The following RASGEF1C variants were observed in gnomAD, a reference collection of about 807,000 sequenced individuals.
RASGEF1C encodes the protein RasGEF domain family member 1C, also known as ras-GEF domain-containing family member 1C.
A neutral mutation model predicts 58.1 loss-of-function variants in RASGEF1C; 27 were observed. The observed-to-expected ratio is 0.46, with a 90% CI of 0.34 to 0.64. The LOEUF (loss-of-function observed/expected upper bound fraction) is 0.64, where lower values mean the gene tolerates loss of function less well. Ranked by LOEUF, RASGEF1C falls within the 30% of genes least tolerant of loss-of-function variation. The pLI is 0.01. For synonymous variants in RASGEF1C, 243 were observed against 246.3 expected (o/e 0.99, Z 0.13); for missense variants, 502 against 605.1 (o/e 0.83, Z 1.79).
intron 1 of RASGEF1C, among the ~76,000 whole-genome samples, chr5:180,196,991 C>G (rs746817724): frequency 2.0e-5 from 3 of 152,186 alleles, no homozygotes; most frequent in Non-Finnish European, 4.4e-5. Context: ...CTGACTTCAC[C>G]CCAGAATGTG....
At chr5:180,207,787 C>T (rs1460314613) in intron 1 of RASGEF1C, among the ~76,000 whole-genome samples, 2 of 152,142 alleles carry the variant, frequency 1.3e-5, no homozygotes, top group Non-Finnish European at 2.9e-5. Flanking sequence ...AGGGATCTCA[C>T]CCGCGCTGTT....
chr5:180,140,332 C>A (rs1039671492), intron 1 of RASGEF1C, among the ~76,000 whole-genome samples: 1 of 152,186 alleles, frequency 6.6e-6, no homozygotes, highest in Admixed American at 6.5e-5. Flanking sequence ...TGTGCCGCAG[C>A]CTTCAGTTTT....
chr5:180,138,881 C>T (rs1455346184), intron 1 of RASGEF1C, among the ~76,000 whole-genome samples: 5 of 152,196 alleles, frequency 3.3e-5, no homozygotes, highest in African/African-American at 1.2e-4. Context: ...CTCCCCTATC[C>T]CTCCAGGTAT....
chr5:180,126,130 G>A (rs546344217), intron 6 of RASGEF1C, among the ~76,000 whole-genome samples: 4 of 152,276 alleles, frequency 2.6e-5, no homozygotes, highest in African/African-American at 7.2e-5. Context: ...AATCTCGGCC[G>A]GGCGCGGTAG....
At chr5:180,161,628 G>A (rs761565951) in intron 1 of RASGEF1C, among the ~76,000 whole-genome samples, 3 of 152,344 alleles carry the variant, frequency 2.0e-5, no homozygotes, top group Non-Finnish European at 2.9e-5. Flanking sequence ...ACGCCAGGCC[G>A]AGCCCGAGAG....
chr5:180,114,600 A>G, intron 10 of RASGEF1C, 59 bp from the exon 11 acceptor site: 2 of 1,519,782 alleles, frequency 1.3e-6, no homozygotes, highest in Non-Finnish European at 1.8e-6. Context: ...GGGCTCCAGG[A>G]CGGGGGGCAG....
chr5:180,180,929 G>A (rs1163478515), intron 1 of RASGEF1C, among the ~76,000 whole-genome samples: 1 of 152,156 alleles, frequency 6.6e-6, no homozygotes, highest in Non-Finnish European at 1.5e-5. Context: ...AAGAGGGATC[G>A]CCGCATACAG....
At chr5:180,161,870 C>T (rs1766950377) in intron 1 of RASGEF1C, among the ~76,000 whole-genome samples, 1 of 152,226 alleles carries the variant, frequency 6.6e-6, no homozygotes, top group Non-Finnish European at 1.5e-5. Context: ...CCCCTGTCAC[C>T]GACTGAGGTT....
Position 180,101,219 on chromosome 5 carries a change from A to G in RASGEF1C, c.*282T>C. On this transcript the variant is annotated 3_prime_UTR_variant, in exon 14 of 14. Coordinates refer to ENST00000361132, the MANE Select transcript of RASGEF1C (RefSeq NM_175062.4). The stretch of plus-strand genomic sequence containing the variant: ...AGTGTTGTGTCCTTGCCGAGGATGG[A>G]CAGACTGACCAGGCCCCACGGTCCT... 2.0e-6 allele frequency: 1 copy of G among 506,726 alleles called. No individual in the cohort carries two copies. Among genetic ancestry groups the G allele is most frequent in the East Asian group, 3.1e-5 (1 of 32,274 alleles). 31.4% of individuals were successfully genotyped at this position (506,726 alleles called of 1,614,324 possible).
Position 180,136,420 on chromosome 5 carries a change from C to A in RASGEF1C, c.396G>T (p.Gly132=). The A allele has an allele frequency of 6.4e-7, 1 of 1,561,066 alleles. No homozygotes were observed. The highest frequency in any genetic ancestry group is 2.4e-5 in the East Asian group (1 of 41,696). The part of the protein sequence containing the change: ...PRDFQEESTI[G]HLKDVVGRIA... ...TGCGGCCCACGACGTCCTTAAGGTG[C>A]CCGATAGTCGACTCTTCCTGGAAGT... Residue 132 remains glycine, a synonymous_variant, in exon 4 of 14, where the codon GGG becomes GGT. Coordinates refer to ENST00000361132, the MANE Select transcript of RASGEF1C (RefSeq NM_175062.4).
intron 6 of RASGEF1C, among the ~76,000 whole-genome samples, chr5:180,121,354 C>T (rs1415108329): frequency 2.0e-5 from 3 of 151,910 alleles, no homozygotes; most frequent in East Asian, 3.9e-4. Context: ...CGCTCTGTCG[C>T]CCAGGCTGGA....
chr5:180,128,523 C>T lies in RASGEF1C; in HGVS notation c.526G>A (p.Ala176Thr). Reference protein sequence around the residue: ...LRQGPEGLVGADKPISYRTKP... With the variant: ...LRQGPEGLVGTDKPISYRTKP... Reference sequence around the variant, plus strand: ...GTCCTGTAGGAGATGGGCTTGTCGGCACCCACCAGACCTTCTGGCCCCTGG... The same window carrying T: ...GTCCTGTAGGAGATGGGCTTGTCGGTACCCACCAGACCTTCTGGCCCCTGG... Residue 176 changes from alanine to threonine, a missense_variant, in exon 5 of 14, where the codon GCC (alanine) becomes ACC (threonine). Transcript: ENST00000361132. 2.5e-6 allele frequency: 4 copies of T among 1,614,140 alleles called. No homozygotes were observed. The South Asian group carries it at 4.4e-5, about 18-fold the overall frequency.
At chr5:180,102,661 T>C (rs992845721) in intron 12 of RASGEF1C, among the ~76,000 whole-genome samples, 11 of 133,844 alleles carry the variant, frequency 8.2e-5, no homozygotes, top group African/African-American at 2.8e-4. Flanking sequence ...CTTTCCTCCA[T>C]TGGGTTTTGT....
At chr5:180,152,046 G>C (rs369133481) in intron 1 of RASGEF1C, among the ~76,000 whole-genome samples, 1 of 142,358 alleles carries the variant, frequency 7.0e-6, no homozygotes, top group Non-Finnish European at 1.6e-5. Context: ...TTAGAATGGC[G>C]ATCATTAAAA....
intron 1 of RASGEF1C, among the ~76,000 whole-genome samples, chr5:180,152,568 TG>T (rs1307288621): frequency 6.7e-4 from 24 of 35,690 alleles, no homozygotes; most frequent in East Asian, 4.9e-3. Flanking sequence ...TGTTGTGGGG[TG>T]GGGGGAGGGG....
intron 11 of RASGEF1C, 109 bp from the exon 12 acceptor site, chr5:180,111,689 G>C: frequency 8.1e-7 from 1 of 1,240,814 alleles, no homozygotes; most frequent in Non-Finnish European, 1.2e-6. Flanking sequence ...AGTGGCTTTA[G>C]GGCTCTGAGG....
chr5:180,198,538 G>A lies in RASGEF1C; in HGVS notation c.-7+10490C>T, dbSNP rs1756320431. On this transcript the variant is annotated intron_variant, in intron 1 of 13. Transcript: ENST00000361132. The surrounding 1 kb of genome is among the most constrained non-coding windows in gnomAD (Gnocchi z 4.5). The stretch of plus-strand genomic sequence containing the variant: ...GAAGTCCAAGATCAAGTTGCTCTCT[G>A]CTCCACAGAGGGTGCCTCCCTCCTG... Among the ~76,000 whole-genome samples the A allele has an allele frequency of 6.6e-6, 1 of 152,190 alleles. No individual in the cohort carries two copies. Among genetic ancestry groups the A allele is most frequent in the Non-Finnish European group, 1.5e-5 (1 of 68,030 alleles).
intron 1 of RASGEF1C, among the ~76,000 whole-genome samples, chr5:180,179,112 G>A (rs188914101): frequency 1.6e-4 from 24 of 152,302 alleles, no homozygotes; most frequent in African/African-American, 5.5e-4. Flanking sequence ...TCGTGGGTCT[G>A]GATCGAGCTG....
At chr5:180,133,028 G>A (rs1189610199) in intron 4 of RASGEF1C, among the ~76,000 whole-genome samples, 1 of 151,512 alleles carries the variant, frequency 6.6e-6, no homozygotes, top group Non-Finnish European at 1.5e-5. Flanking sequence ...TGTTGAGTCG[G>A]CCTCCTCTGT....
Sources: gnomAD v4.1 joint callset for allele counts (sites outside exome capture counted in the v4.1 genomes callset) on GRCh38, gnomAD v4.1.1 for gene constraint, Gnocchi (gnomAD v3.1) non-coding constraint, MANE v1.5 for transcripts, NCBI Gene and HGNC (gene_info 2026-07-23, HGNC 2026-07-21) for gene names.